The following DGKB variants were observed in gnomAD, a reference collection of about 807,000 sequenced individuals.
DGKB encodes the protein diacylglycerol kinase beta.
In DGKB, 67 loss-of-function variants were observed where a neutral mutation model predicts 114.3. The observed-to-expected ratio is 0.59, with a 90% confidence interval of 0.48 to 0.72. DGKB has a LOEUF of 0.72. Among genes scored for constraint, DGKB ranks in the 30% least tolerant of loss-of-function variants. The pLI, the probability that DGKB is intolerant of heterozygous loss-of-function variation, is 0.00. For synonymous variants in DGKB, 398 were observed against 323.1 expected (o/e 1.23, Z -2.49); for missense variants, 907 against 975.2 (o/e 0.93, Z 0.93).
intron 2 of DGKB, 76 bp downstream of exon 2, chr7:14,841,118 T>C: frequency 7.7e-7 from 1 of 1,298,012 alleles, no homozygotes; most frequent in East Asian, 2.6e-5. Flanking sequence ...GGATCTATGA[T>C]CCATTCTTAT....
chr7:14,749,404 C>A (rs1465149739), intron 4 of DGKB, among the ~76,000 whole-genome samples: 1 of 152,116 alleles, frequency 6.6e-6, no homozygotes, highest in Non-Finnish European at 1.5e-5. Flanking sequence ...GAGTCACATA[C>A]TCCATTAACT....
intron 23 of DGKB, among the ~76,000 whole-genome samples, chr7:14,287,133 T>C (rs968316593): frequency 1.3e-5 from 2 of 152,138 alleles, no homozygotes; most frequent in African/African-American, 4.8e-5. Flanking sequence ...AAAGCAGATT[T>C]GTGAACTTAT....
intron 2 of DGKB, among the ~76,000 whole-genome samples, chr7:14,801,082 C>T (rs1334723044): frequency 6.6e-6 from 1 of 152,154 alleles, no homozygotes; most frequent in Non-Finnish European, 1.5e-5. Flanking sequence ...AGTGTATGTG[C>T]ATGTGCATAT....
intron 17 of DGKB, among the ~76,000 whole-genome samples, chr7:14,604,388 A>T (rs938241688): frequency 6.6e-6 from 1 of 152,146 alleles, no homozygotes; most frequent in African/African-American, 2.4e-5. Context: ...GAAAAAAAAT[A>T]AAGTTGGGAT....
intron 1 of DGKB, among the ~76,000 whole-genome samples, chr7:14,953,921 A>G (rs1786348905): frequency 6.6e-6 from 1 of 152,076 alleles, no homozygotes; most frequent in Non-Finnish European, 1.5e-5. Context: ...TTTCAGCATC[A>G]CCTGGAAACT....
chr7:14,865,746 A>T (rs906606104), intron 1 of DGKB, among the ~76,000 whole-genome samples: 2 of 152,210 alleles, frequency 1.3e-5, no homozygotes, highest in African/African-American at 4.8e-5. Context: ...TTTGGGAGTC[A>T]TCATGTGCAT....
intron 2 of DGKB, among the ~76,000 whole-genome samples, chr7:14,820,107 A>C (rs1449332060): frequency 1.3e-5 from 2 of 152,142 alleles, no homozygotes; most frequent in African/African-American, 4.8e-5. Context: ...AGACTAGCTC[A>C]TTGTAGTAGG....
In DGKB at chr7:14,666,990, T is replaced by G. The variant is rs1414727242; in HGVS notation, c.1134+5939A>C. 2.0e-5 allele frequency among the ~76,000 whole-genome samples: 3 copies of G among 152,058 alleles called. No homozygotes were observed. In the East Asian group the frequency reaches 5.8e-4, roughly 29 times the overall value. On this transcript the variant is annotated intron_variant, in intron 13 of 25. Coordinates refer to ENST00000402815, the MANE Select transcript of DGKB (RefSeq NM_001350709.2). ...TGAAAACACCATATGATAATAATTTTAATTTCAGAGTAGTTGATTTTAACC... is the reference window on the plus strand; with the variant it reads ...TGAAAACACCATATGATAATAATTTGAATTTCAGAGTAGTTGATTTTAACC...
intron 5 of DGKB, among the ~76,000 whole-genome samples, chr7:14,734,926 A>C (rs1203592189): frequency 6.6e-6 from 1 of 151,956 alleles, no homozygotes; most frequent in African/African-American, 2.4e-5. Flanking sequence ...CTAGAGAGAG[A>C]CGAGAAGGCA....
intron 20 of DGKB, among the ~76,000 whole-genome samples, chr7:14,487,303 A>C (rs1440384981): frequency 6.6e-6 from 1 of 152,190 alleles, no homozygotes; most frequent in African/African-American, 2.4e-5. Flanking sequence ...TGTTGAAAAG[A>C]AATGAAACCT....
chr7:14,870,436 T>G (rs1852283663), intron 1 of DGKB, among the ~76,000 whole-genome samples: 1 of 152,196 alleles, frequency 6.6e-6, no homozygotes, highest in African/African-American at 2.4e-5. Context: ...TCCTGTTTTC[T>G]CTAATTATGG....
At chr7:14,879,373 G>T (rs901488825) in intron 1 of DGKB, among the ~76,000 whole-genome samples, 1 of 149,410 alleles carries the variant, frequency 6.7e-6, no homozygotes, top group South Asian at 2.1e-4. Context: ...TCATTTGAAC[G>T]ACTGTTTCTA....
intron 2 of DGKB, among the ~76,000 whole-genome samples, chr7:14,790,113 C>G (rs1173381761): frequency 6.6e-6 from 1 of 152,104 alleles, no homozygotes; most frequent in Non-Finnish European, 1.5e-5. Context: ...CTGTTCATGC[C>G]TTTGGCTCAT....
rs80209048 is a variant in DGKB at position 14,807,244 on chromosome 7, T to C, written c.70+33950A>G. Among the ~76,000 whole-genome samples the C allele has an allele frequency of 9.3e-3, 1,412 of 152,130 alleles. 28 individuals carry two copies. Among genetic ancestry groups the C allele is most frequent in the Middle Eastern group, 0.034 (10 of 294 alleles). ...CTCACACATATAATTGTCTGGTCTT[T>C]CCTCTGTTTCACCTACTATATTTTA... On this transcript the variant is annotated intron_variant, in intron 2 of 25. Coordinates refer to ENST00000402815, the MANE Select transcript of DGKB (RefSeq NM_001350709.2).
intron 23 of DGKB, among the ~76,000 whole-genome samples, chr7:14,318,344 C>G (rs1342712763): frequency 6.6e-6 from 1 of 151,694 alleles, no homozygotes; most frequent in Non-Finnish European, 1.5e-5. Context: ...TCAGAGTGAA[C>G]AGGCAACCTA....
intron 5 of DGKB, among the ~76,000 whole-genome samples, chr7:14,722,099 T>G (rs1231008836): frequency 6.6e-6 from 1 of 152,212 alleles, no homozygotes; most frequent in African/African-American, 2.4e-5. Context: ...CTGGTTAAAC[T>G]ACATTGACAC....
intron 20 of DGKB, among the ~76,000 whole-genome samples, chr7:14,518,266 C>T (rs776222464): frequency 3.3e-5 from 5 of 151,888 alleles, no homozygotes; most frequent in Admixed American, 6.6e-5. Context: ...ACATCAAGTA[C>T]GTATGAACAC....
At chr7:14,214,439 T>A (rs539734481) in intron 23 of DGKB, among the ~76,000 whole-genome samples, 28 of 152,208 alleles carry the variant, frequency 1.8e-4, no homozygotes, top group Non-Finnish European at 3.8e-4. Context: ...AGAAAAAATC[T>A]GCTTTGGTTG....
intron 25 of DGKB, among the ~76,000 whole-genome samples, chr7:14,160,476 C>G (rs934256569): frequency 9.9e-5 from 15 of 152,050 alleles, no homozygotes; most frequent in Non-Finnish European, 2.2e-4. Context: ...TCCTATACAC[C>G]AATAACAGAC....
Sources: allele counts gnomAD v4.1 joint callset (sites outside exome capture counted in the v4.1 genomes callset), GRCh38; gene constraint gnomAD v4.1.1; transcripts MANE v1.5; gene names NCBI Gene and HGNC (gene_info 2026-07-23, HGNC 2026-07-21).